The following PACS1 variants were observed in gnomAD, a reference collection of about 807,000 sequenced individuals.
The protein encoded by PACS1 is phosphofurin acidic cluster sorting protein 1.
A neutral mutation model predicts 115.0 loss-of-function variants in PACS1; 24 were observed. The ratio of observed to expected loss-of-function variants is 0.21; its 90% CI spans 0.15 to 0.29. The LOEUF is 0.29. Ranked by LOEUF, PACS1 falls within the 10% of genes least tolerant of loss-of-function variation. The pLI is 1.00. For synonymous variants in PACS1, 453 were observed against 504.5 expected (o/e 0.90, Z 1.37); for missense variants, 838 against 1,251.2 (o/e 0.67, Z 4.98).
In PACS1 at chr11:66,202,767, A is replaced by T; in HGVS notation, c.445-7595A>T. On this transcript the variant is annotated intron_variant, in intron 2 of 23. Coordinates refer to ENST00000320580, the MANE Select transcript of PACS1 (RefSeq NM_018026.4). ...AATATATATATATATATATATATAT[A>T]TATATATATATATATTCTGAAAAAG... Among the ~76,000 whole-genome samples the T allele has an allele frequency of 1.7e-5, 2 of 118,808 alleles. 1 individual carries two copies. Among genetic ancestry groups the T allele is most frequent in the Admixed American group, 1.8e-4 (2 of 11,402 alleles). The allele number at this position is 118,808 out of a possible 152,430, so 77.9% of individuals were successfully genotyped here.
rs753047094 is a variant in PACS1, at chr11:66,242,964, G to A, written c.2709G>A (p.Lys903=). 24 of 1,613,856 alleles carry A rather than the reference G, an allele frequency of 1.5e-5. No homozygotes were observed. The highest frequency in any genetic ancestry group is 2.7e-5 in the African/African-American group (2 of 74,890). ...CCCGAGAAAAGGAGGTGGATTCTAAGAGCCAGGTCATTGAAGGCATCAGCC... is the reference window on the plus strand; with the variant it reads ...CCCGAGAAAAGGAGGTGGATTCTAAAAGCCAGGTCATTGAAGGCATCAGCC... ...KKPREKEVDS[K]SQVIEGISRL... Residue 903 remains lysine (K), a synonymous_variant, in exon 23 of 24, where the codon AAG becomes AAA. Coordinates refer to ENST00000320580, the MANE Select transcript of PACS1 (RefSeq NM_018026.4).
intron 1 of PACS1, among the ~76,000 whole-genome samples, chr11:66,090,480 C>T (rs1433752433): frequency 6.6e-6 from 1 of 151,946 alleles, no homozygotes; most frequent in Non-Finnish European, 1.5e-5. Context: ...CACTGTTGCC[C>T]AGGCTGGTGA....
intron 2 of PACS1, among the ~76,000 whole-genome samples, chr11:66,205,685 G>A (rs1854919252): frequency 6.8e-6 from 1 of 148,144 alleles, no homozygotes; most frequent in African/African-American, 2.5e-5. Flanking sequence ...TTGAGAATGG[G>A]ATCTCACTAT....
At chr11:66,118,108 C>G (rs747142166) in intron 1 of PACS1, among the ~76,000 whole-genome samples, 5 of 152,168 alleles carry the variant, frequency 3.3e-5, no homozygotes, top group Non-Finnish European at 5.9e-5. Context: ...CTACGTTAGT[C>G]TAAACAAGTA....
intron 1 of PACS1, among the ~76,000 whole-genome samples, chr11:66,101,984 A>G (rs1253210988): frequency 1.3e-5 from 2 of 152,084 alleles, no homozygotes; most frequent in Non-Finnish European, 2.9e-5. Context: ...GAGAGTTTTT[A>G]TTTTCATTTT....
chr11:66,145,604 G>A (rs1859103243), intron 1 of PACS1, among the ~76,000 whole-genome samples: 1 of 152,210 alleles, frequency 6.6e-6, no homozygotes. Flanking sequence ...ACACATGCAG[G>A]TAAAACTAGA....
In PACS1 at chr11:66,077,957, C is replaced by T. The variant is rs534795938; in HGVS notation, c.356+7115C>T. 5.3e-5 allele frequency among the ~76,000 whole-genome samples: 8 copies of T among 152,270 alleles called. No homozygotes were observed. The South Asian group carries it at 1.7e-3, about 32-fold the overall frequency. On this transcript the variant is annotated intron_variant, in intron 1 of 23. Transcript: ENST00000320580. Reference sequence around the variant, plus strand: ...CCTCAGGTGATTCACCTACCTCAGCCTCCCAAGGTGCTGGGATTACAGTTG... The same window carrying T: ...CCTCAGGTGATTCACCTACCTCAGCTTCCCAAGGTGCTGGGATTACAGTTG...
At chr11:66,207,615 T>C (rs1036087017) in intron 2 of PACS1, among the ~76,000 whole-genome samples, 13 of 152,256 alleles carry the variant, frequency 8.5e-5, no homozygotes, top group Admixed American at 6.5e-5. Context: ...CAGTTGCCAC[T>C]ATAGCACTCG....
At chr11:66,102,348 C>T (rs199911013) in intron 1 of PACS1, among the ~76,000 whole-genome samples, 7 of 151,670 alleles carry the variant, frequency 4.6e-5, no homozygotes, top group East Asian at 3.9e-4. Flanking sequence ...TATTTTGAGA[C>T]GGGTCTCACT....
At chr11:66,227,795 T>C (rs1257166448) in intron 11 of PACS1, among the ~76,000 whole-genome samples, 1 of 152,168 alleles carries the variant, frequency 6.6e-6, no homozygotes, top group Non-Finnish European at 1.5e-5. Context: ...AAACTTAGTA[T>C]ACCAGAAATG....
At chr11:66,232,388 T>C (rs1339737671) in intron 14 of PACS1, 112 bp downstream of exon 14, 2 of 647,210 alleles carry the variant, frequency 3.1e-6, no homozygotes, top group Non-Finnish European at 5.5e-6. Flanking sequence ...AACTCACCCC[T>C]CCATCAGCCC....
intron 1 of PACS1, among the ~76,000 whole-genome samples, chr11:66,075,062 C>T (rs1245782429): frequency 1.3e-5 from 2 of 150,694 alleles, no homozygotes; most frequent in African/African-American, 4.9e-5. Context: ...CCTGCCTCAG[C>T]CTCCCGAGTA....
intron 1 of PACS1, among the ~76,000 whole-genome samples, chr11:66,155,547 C>T (rs1859330876): frequency 6.6e-6 from 1 of 152,130 alleles, no homozygotes; most frequent in Non-Finnish European, 1.5e-5. Flanking sequence ...TGAACTACCG[C>T]TCTTTACCCT....
intron 2 of PACS1, among the ~76,000 whole-genome samples, chr11:66,209,911 AT>A (rs1275873130): frequency 6.6e-6 from 1 of 152,198 alleles, no homozygotes; most frequent in African/African-American, 2.4e-5. Flanking sequence ...CTCAAAAAAA[AT>A]AAAATTTAAT....
chr11:66,181,863 T>C (rs1014616910), intron 1 of PACS1, among the ~76,000 whole-genome samples: 1 of 152,206 alleles, frequency 6.6e-6, no homozygotes, highest in African/African-American at 2.4e-5. Flanking sequence ...AGAACTGGAA[T>C]TTAAGTGACT....
At chr11:66,077,049 C>A (rs1055278022) in intron 1 of PACS1, among the ~76,000 whole-genome samples, 1 of 152,158 alleles carries the variant, frequency 6.6e-6, no homozygotes, top group Admixed American at 6.6e-5. Flanking sequence ...CCAAGATATG[C>A]ACCAGCTCTA....
intron 14 of PACS1, 36 bp from the exon 15 acceptor site, chr11:66,232,924 C>A (rs1855628083): frequency 2.0e-6 from 3 of 1,482,936 alleles, no homozygotes; most frequent in Non-Finnish European, 1.9e-6. Flanking sequence ...GATGTGTTCT[C>A]ACCTGTGTCC....
chr11:66,117,961 T>C (rs1302090040), intron 1 of PACS1, among the ~76,000 whole-genome samples: 1 of 152,260 alleles, frequency 6.6e-6, no homozygotes, highest in African/African-American at 2.4e-5. Context: ...CTTTAAATTA[T>C]TTGAAGCTGT....
At chr11:66,221,274 G>A in intron 10 of PACS1, 27 bp downstream of exon 10, 1 of 1,594,362 alleles carries the variant, frequency 6.3e-7, no homozygotes, top group African/African-American at 1.3e-5. Flanking sequence ...CTGCGGGGCG[G>A]GGTGGGACCG....
Sources: gnomAD v4.1 joint callset for allele counts (sites outside exome capture counted in the v4.1 genomes callset) on GRCh38, gnomAD v4.1.1 for gene constraint, MANE v1.5 for transcripts, NCBI Gene and HGNC (gene_info 2026-07-23, HGNC 2026-07-21) for gene names.